Variants in MECR observed in about 807,000 individuals in gnomAD.
MECR encodes the protein mitochondrial trans-2-enoyl-CoA reductase.
In MECR, 37 loss-of-function variants were observed where a neutral mutation model predicts 49.1. That is an observed-to-expected ratio of 0.75 (90% CI 0.58 to 0.99). The LOEUF (loss-of-function observed/expected upper bound fraction) is 0.99, where lower values mean the gene tolerates loss of function less well. MECR is among the 50% of genes least tolerant of loss of function. The probability of loss-of-function intolerance (pLI) is 0.00; values close to 1 mark genes in which losing one functional copy is unlikely to be tolerated. For synonymous variants in MECR, 198 were observed against 191.1 expected (o/e 1.04, Z -0.30); for missense variants, 470 against 479.6 (o/e 0.98, Z 0.19).
At chr1:29,179,372 T>C in the MECR span, among the ~76,000 whole-genome samples, 9 of 152,168 alleles carry the variant, frequency 5.9e-5, no homozygotes, top group African/African-American at 2.2e-4. Context: ...TTGTACTTAT[T>C]TTATTAGAGA....
the MECR span, among the ~76,000 whole-genome samples, chr1:29,179,163 C>T: frequency 2.6e-5 from 4 of 152,092 alleles, no homozygotes; most frequent in Non-Finnish European, 4.4e-5. Flanking sequence ...TCATTGATTT[C>T]GAATTTTTAG....
intron 2 of MECR, 53 bp downstream of exon 2, chr1:29,216,535 G>A (rs1463432457): frequency 9.1e-6 from 14 of 1,540,084 alleles, no homozygotes; most frequent in Non-Finnish European, 1.1e-5. Context: ...TGAAAATGAG[G>A]TGGCAGCTGA....
intron 3 of MECR, among the ~76,000 whole-genome samples, chr1:29,207,860 GTAGT>G (rs1252543114): frequency 6.6e-6 from 1 of 152,196 alleles, no homozygotes; most frequent in African/African-American, 2.4e-5. Context: ...CACCGTGCAG[GTAGT>G]TAATGACCTC....
the MECR span, among the ~76,000 whole-genome samples, chr1:29,180,222 T>C: frequency 1.3e-5 from 2 of 152,208 alleles, no homozygotes; most frequent in Admixed American, 1.3e-4. Flanking sequence ...CAAAAGTTAG[T>C]TATGCTGTCA....
intron 5 of MECR, among the ~76,000 whole-genome samples, 155 bp from the exon 6 acceptor site, chr1:29,202,200 A>G (rs1675490639): frequency 6.6e-6 from 1 of 152,108 alleles, no homozygotes; most frequent in South Asian, 2.1e-4. Flanking sequence ...CAGCCACCTA[A>G]TTTCATGCAG....
the MECR span, among the ~76,000 whole-genome samples, chr1:29,179,069 G>A: frequency 6.6e-6 from 1 of 152,044 alleles, no homozygotes; most frequent in East Asian, 1.9e-4. Context: ...AGGTATTTAG[G>A]GTCCTGAAAG....
Position 29,196,023 on chromosome 1 carries a change from C to T in MECR, c.892-10G>A, listed in dbSNP as rs1188584370. On this transcript the variant is annotated splice_polypyrimidine_tract_variant and intron_variant, in intron 8 of 9. Transcript: ENST00000263702. ...TAAAAATGAGCAGGCTCTGCAGACA[C>T]AGGAAGGACATGCTGGGCTCTGAGG... 2 of 1,614,072 alleles carry T rather than the reference C, an allele frequency of 1.2e-6. No homozygotes were observed. The highest frequency in any genetic ancestry group is 1.7e-6 in the Non-Finnish European group (2 of 1,180,004).
At chr1:29,179,500 T>C in the MECR span, among the ~76,000 whole-genome samples, 3 of 152,112 alleles carry the variant, frequency 2.0e-5, no homozygotes, top group Non-Finnish European at 2.9e-5. Flanking sequence ...GCTAGGACTA[T>C]AGGCGAGTGT....
intron 4 of MECR, among the ~76,000 whole-genome samples, chr1:29,205,076 C>A (rs1676253719): frequency 6.6e-6 from 1 of 152,220 alleles, no homozygotes; most frequent in Non-Finnish European, 1.5e-5. Context: ...TGTGCAGAGG[C>A]AGCCCAGGAG....
At chr1:29,206,654 C>G in intron 4 of MECR, 108 bp downstream of exon 4, 2 of 1,284,356 alleles carry the variant, frequency 1.6e-6, no homozygotes, top group Non-Finnish European at 2.2e-6. Context: ...AGGTCCATCA[C>G]CCCCTCAAAA....
chr1:29,205,505 G>C (rs1017042521), intron 4 of MECR, among the ~76,000 whole-genome samples: 3 of 151,706 alleles, frequency 2.0e-5, no homozygotes, highest in Non-Finnish European at 2.9e-5. Flanking sequence ...TTCTGCAGTG[G>C]GTTCTGAGAG....
chr1:29,220,238 A>AC (rs918999609), intron 1 of MECR, among the ~76,000 whole-genome samples: 22 of 151,040 alleles, frequency 1.5e-4, no homozygotes, highest in Admixed American at 5.9e-4. Flanking sequence ...TAAAAAAAAA[A>AC]AAAAATACAA....
At chr1:29,230,083 A>G (rs1558522663) in intron 1 of MECR, among the ~76,000 whole-genome samples, 1 of 152,218 alleles carries the variant, frequency 6.6e-6, no homozygotes. Flanking sequence ...AACCAAGCCA[A>G]GATGCATATA....
At chr1:29,207,920 G>A (rs1420262896) in intron 3 of MECR, among the ~76,000 whole-genome samples, 2 of 152,044 alleles carry the variant, frequency 1.3e-5, no homozygotes, top group Non-Finnish European at 2.9e-5. Flanking sequence ...ATTACCACCA[G>A]GGCAGGAGAA....
At chr1:29,220,243 A>AC (rs397979782) in intron 1 of MECR, among the ~76,000 whole-genome samples, 3 of 150,080 alleles carry the variant, frequency 2.0e-5, no homozygotes, top group South Asian at 2.1e-4. Flanking sequence ...AAAAAAAAAA[A>AC]TACAAAAATT....
chr1:29,199,619 CT>C (rs909108578), intron 7 of MECR, among the ~76,000 whole-genome samples: 30 of 149,726 alleles, frequency 2.0e-4, no homozygotes, highest in African/African-American at 4.9e-4. Flanking sequence ...TGATAGGTAA[CT>C]TTTTTTTTTC....
At position 29,193,402 on chromosome 1, in the gene MECR, T is replaced by G. The variant is rs1033673761; in HGVS notation, c.*620A>C. 1 of 185,720 alleles carries G rather than the reference T, an allele frequency of 5.4e-6. No homozygotes were observed. Among genetic ancestry groups the G allele is most frequent in the African/African-American group, 2.4e-5 (1 of 41,546 alleles). The allele number at this position is 185,720 out of a possible 1,614,324, so 11.5% of individuals were successfully genotyped here. A position where few individuals can be genotyped will look rare whatever the true frequency, so the allele number is the denominator to read the frequency against. On this transcript the variant is annotated 3_prime_UTR_variant, in exon 10 of 10. Coordinates refer to ENST00000263702, the MANE Select transcript of MECR (RefSeq NM_016011.5). ...TGTCAAATGTCTCCTGGGGGTAAAATTGCCTCTGGTTGAGAACCACTGGTA... is the reference window on the plus strand; with the variant it reads ...TGTCAAATGTCTCCTGGGGGTAAAAGTGCCTCTGGTTGAGAACCACTGGTA...
At chr1:29,225,777 T>C (rs548929199) in intron 1 of MECR, among the ~76,000 whole-genome samples, 1 of 152,252 alleles carries the variant, frequency 6.6e-6, no homozygotes, top group South Asian at 2.1e-4. Flanking sequence ...ATATTAACTG[T>C]AAAAAGAAGA....
At chr1:29,214,548 G>T (rs915030784) in intron 3 of MECR, among the ~76,000 whole-genome samples, 2 of 151,734 alleles carry the variant, frequency 1.3e-5, no homozygotes, top group African/African-American at 4.8e-5. Flanking sequence ...TTTTATTAGA[G>T]ACAGGGTTTC....
Sources: gnomAD v4.1 joint callset for allele counts (sites outside exome capture counted in the v4.1 genomes callset) on GRCh38, gnomAD v4.1.1 for gene constraint, MANE v1.5 for transcripts, NCBI Gene and HGNC (gene_info 2026-07-23, HGNC 2026-07-21) for gene names.